The following ADAMTSL1 variants were observed in gnomAD, a reference collection of about 807,000 sequenced individuals.
The protein encoded by ADAMTSL1 is ADAMTS like 1, also known as ADAMTS-like protein 1.
A neutral mutation model predicts 201.8 loss-of-function variants in ADAMTSL1; 126 were observed. The observed-to-expected ratio is 0.62, with a 90% CI of 0.54 to 0.72. The LOEUF is 0.72. ADAMTSL1 is among the 30% of genes least tolerant of loss of function. The pLI is 0.00. For synonymous variants in ADAMTSL1, 1,121 were observed against 903.4 expected (o/e 1.24, Z -4.32); for missense variants, 2,679 against 2,277.8 (o/e 1.18, Z -3.59).
At chr9:18,753,050 C>T (rs1427843970) in intron 15 of ADAMTSL1, among the ~76,000 whole-genome samples, 1 of 152,092 alleles carries the variant, frequency 6.6e-6, no homozygotes. Flanking sequence ...TGGTTGTAAC[C>T]ATTATTGGTG....
At chr9:18,835,624 G>C (rs924543812) in intron 23 of ADAMTSL1, among the ~76,000 whole-genome samples, 2 of 152,040 alleles carry the variant, frequency 1.3e-5, no homozygotes, top group African/African-American at 4.8e-5. Flanking sequence ...ACTGAATATA[G>C]TACCCAATAG....
intron 1 of ADAMTSL1, among the ~76,000 whole-genome samples, chr9:18,101,891 T>C (rs905931255): frequency 2.0e-5 from 3 of 152,176 alleles, no homozygotes; most frequent in Non-Finnish European, 2.9e-5. Flanking sequence ...TCAGTGTTTC[T>C]TCTTGGTGAG....
rs535568493 is a variant in ADAMTSL1, at chr9:18,852,288, C to T, written c.4249+22311C>T. Among the ~76,000 whole-genome samples, 14 of 152,296 alleles carry T rather than the reference C, an allele frequency of 9.2e-5. No homozygotes were observed. In the East Asian group the frequency reaches 1.9e-3, roughly 21 times the overall value. On this transcript the variant is annotated intron_variant, in intron 23 of 28. Transcript: ENST00000380548. ...AAAATGGAGGCAATAACTGCATATACCTCCAGGGTTTTTGAAAGGAATAAA... is the reference window on the plus strand; with the variant it reads ...AAAATGGAGGCAATAACTGCATATATCTCCAGGGTTTTTGAAAGGAATAAA...
chr9:18,057,390 A>G (rs1809730085), intron 1 of ADAMTSL1, among the ~76,000 whole-genome samples: 1 of 152,184 alleles, frequency 6.6e-6, no homozygotes, highest in African/African-American at 2.4e-5. Context: ...CAGAAATAAA[A>G]AAGTTTTTAA....
rs537868675 is a variant in ADAMTSL1 at position 18,403,341 on chromosome 9, GC to G, written c.208-101485del. 7.3e-4 allele frequency among the ~76,000 whole-genome samples: 111 copies of G among 151,910 alleles called. 1 individual carries two copies. In the East Asian group the frequency reaches 9.5e-3, roughly 13 times the overall value. On this transcript the variant is annotated intron_variant, in intron 2 of 29. Coordinates refer to the ADAMTSL1 transcript ENST00000680146. The stretch of plus-strand genomic sequence containing the variant: ...TGGGATCACAGGCACACACCACCAT[GC>G]CCAGCTAATTTTTGTATTTTTAGTA...
chr9:18,004,982 A>T (rs1819754283), intron 1 of ADAMTSL1, among the ~76,000 whole-genome samples: 1 of 152,122 alleles, frequency 6.6e-6, no homozygotes, highest in African/African-American at 2.4e-5. Context: ...TGGGCCATTT[A>T]TATATAATGA....
Position 18,504,840 on chromosome 9 carries a change from C to T in ADAMTSL1, c.75C>T (p.Thr25=). 6.2e-7 allele frequency: 1 copy of T among 1,614,138 alleles called. No homozygotes were observed. Among genetic ancestry groups the T allele is most frequent in the Non-Finnish European group, 8.5e-7 (1 of 1,180,020 alleles). Residue 25 remains threonine, a synonymous_variant, in exon 2 of 29, where the codon ACC becomes ACT. Transcript: ENST00000380548. ...TTTGTTTCTCACAGAGTTCCAGGAC[C>T]GCACGCTCCGAGGAGGACCGGGACG... The part of the protein sequence containing the change: ...FLAFLLLSSR[T]ARSEEDRDGL...
chr9:18,201,813 C>A (rs751515835), intron 2 of ADAMTSL1, among the ~76,000 whole-genome samples: 1 of 152,066 alleles, frequency 6.6e-6, no homozygotes, highest in Non-Finnish European at 1.5e-5. Context: ...AACCTATTAA[C>A]CCTTAGTTTC....
At chr9:18,738,121 T>C (rs921261942) in intron 15 of ADAMTSL1, among the ~76,000 whole-genome samples, 9 of 152,168 alleles carry the variant, frequency 5.9e-5, no homozygotes, top group African/African-American at 2.2e-4. Flanking sequence ...TTGCTAAAAA[T>C]GCACTAAGAG....
intron 23 of ADAMTSL1, among the ~76,000 whole-genome samples, chr9:18,865,969 A>G (rs931795840): frequency 4.6e-5 from 7 of 151,964 alleles, no homozygotes; most frequent in African/African-American, 1.5e-4. Flanking sequence ...CCCCTGCCTT[A>G]AATACTGTGA....
At chr9:18,178,873 T>G (rs10963501) in intron 2 of ADAMTSL1, among the ~76,000 whole-genome samples, 5,529 of 150,492 alleles carry the variant, frequency 0.037, 133 homozygotes, top group Middle Eastern at 0.086. Flanking sequence ...AAAAACCCAT[T>G]TGTACATCAC....
intron 2 of ADAMTSL1, among the ~76,000 whole-genome samples, chr9:18,458,983 C>G (rs1563973214): frequency 6.6e-6 from 1 of 152,062 alleles, no homozygotes; most frequent in African/African-American, 2.4e-5. Flanking sequence ...TAAACAGAAC[C>G]TTTGTGTTTA....
At chr9:18,375,313 T>C (rs1360148709) in intron 2 of ADAMTSL1, among the ~76,000 whole-genome samples, 1 of 152,214 alleles carries the variant, frequency 6.6e-6, no homozygotes, top group Non-Finnish European at 1.5e-5. Flanking sequence ...TGTAACTGAT[T>C]ACTGGTGGGC....
At chr9:18,447,790 C>T (rs1820252174) in intron 2 of ADAMTSL1, among the ~76,000 whole-genome samples, 1 of 152,190 alleles carries the variant, frequency 6.6e-6, no homozygotes, top group South Asian at 2.1e-4. Context: ...GAGTTTGCTT[C>T]CTTTCTCTAT....
At chr9:18,652,314 A>G (rs13298257) in intron 7 of ADAMTSL1, among the ~76,000 whole-genome samples, 17,257 of 149,940 alleles carry the variant, frequency 0.12, 1,269 homozygotes, top group Non-Finnish European at 0.16. Flanking sequence ...GGAGGTTACA[A>G]AGATTGCACC....
At chr9:18,650,172 C>T (rs13286678) in intron 7 of ADAMTSL1, among the ~76,000 whole-genome samples, 18,706 of 152,222 alleles carry the variant, frequency 0.12, 1,372 homozygotes, top group Non-Finnish European at 0.17. Context: ...AGTGAGACTC[C>T]GTGGGCGTGG....
At chr9:17,915,546 G>T in intron 1 of ADAMTSL1, among the ~76,000 whole-genome samples, 2 of 152,196 alleles carry the variant, frequency 1.3e-5, no homozygotes, top group Admixed American at 1.3e-4. Context: ...GTCTTTGTAT[G>T]AACACGTTGT....
At chr9:18,281,941 C>T (rs965564644) in intron 2 of ADAMTSL1, among the ~76,000 whole-genome samples, 2 of 151,960 alleles carry the variant, frequency 1.3e-5, no homozygotes, top group Non-Finnish European at 2.9e-5. Context: ...CTTCTTTGAC[C>T]CGTAGGTTAT....
chr9:18,313,494 C>A (rs10113897), intron 2 of ADAMTSL1, among the ~76,000 whole-genome samples: 5 of 151,914 alleles, frequency 3.3e-5, no homozygotes, highest in Admixed American at 2.0e-4. Context: ...CTGGGTCAAA[C>A]CTCCAGAGAT....
Sources: allele counts gnomAD v4.1 joint callset (sites outside exome capture counted in the v4.1 genomes callset), GRCh38; gene constraint gnomAD v4.1.1; transcripts MANE v1.5; gene names NCBI Gene and HGNC (gene_info 2026-07-23, HGNC 2026-07-21).